Variants in ARNT2 observed in about 807,000 individuals in gnomAD.
ARNT2 encodes aryl hydrocarbon receptor nuclear translocator 2.
ARNT2 carries 36 observed loss-of-function variants against 91.7 expected under a neutral mutation model. The observed-to-expected ratio is 0.39, with a 90% confidence interval of 0.30 to 0.52. ARNT2 has a LOEUF of 0.52. ARNT2 is among the 20% of genes least tolerant of loss of function. The pLI, the probability that ARNT2 is intolerant of heterozygous loss-of-function variation, is 0.72. For synonymous variants in ARNT2, 365 were observed against 347.1 expected (o/e 1.05, Z -0.57); for missense variants, 775 against 939.3 (o/e 0.83, Z 2.29).
chr15:80,490,765 TATC>T (rs1037421462), intron 5 of ARNT2, among the ~76,000 whole-genome samples: 7 of 152,228 alleles, frequency 4.6e-5, no homozygotes, highest in African/African-American at 1.7e-4. Flanking sequence ...AACAGATAGT[TATC>T]AGCACAAGTC....
intron 8 of ARNT2, among the ~76,000 whole-genome samples, chr15:80,539,916 G>T (rs944508199): frequency 1.3e-5 from 2 of 151,812 alleles, no homozygotes; most frequent in African/African-American, 2.4e-5. Flanking sequence ...CGGAGAAAAG[G>T]AAACTGTTAT....
intron 3 of ARNT2, among the ~76,000 whole-genome samples, chr15:80,467,155 A>T (rs1896667407): frequency 1.1e-5 from 1 of 94,266 alleles, no homozygotes; most frequent in Non-Finnish European, 2.9e-5. Flanking sequence ...ATTTTGAGAA[A>T]CATCAGTCTG....
chr15:80,551,482 G>A (rs527747934), intron 9 of ARNT2, among the ~76,000 whole-genome samples: 1 of 152,234 alleles, frequency 6.6e-6, no homozygotes, highest in East Asian at 1.9e-4. Flanking sequence ...CTGAATTGAG[G>A]GGTTGCATCA....
At chr15:80,586,776 G>T (rs1265415432) in intron 17 of ARNT2, among the ~76,000 whole-genome samples, 1 of 151,316 alleles carries the variant, frequency 6.6e-6, no homozygotes, top group Non-Finnish European at 1.5e-5. Flanking sequence ...GGGAGGTGGA[G>T]GTTGCAGTGA....
At chr15:80,476,773 AT>A (rs757415840) in intron 5 of ARNT2, among the ~76,000 whole-genome samples, 7 of 152,228 alleles carry the variant, frequency 4.6e-5, no homozygotes, top group African/African-American at 1.7e-4. Flanking sequence ...GTCCTAATCC[AT>A]TTGGGCTGCT....
At chr15:80,453,219 A>T (rs575177298) in intron 2 of ARNT2, among the ~76,000 whole-genome samples, 1 of 152,364 alleles carries the variant, frequency 6.6e-6, no homozygotes, top group South Asian at 2.1e-4. Flanking sequence ...GGAATGAAAC[A>T]TCAAGAAAAG....
At chr15:80,478,174 A>G (rs922261459) in intron 5 of ARNT2, among the ~76,000 whole-genome samples, 5 of 152,240 alleles carry the variant, frequency 3.3e-5, no homozygotes, top group African/African-American at 1.2e-4. Context: ...TGTTGGTTTG[A>G]CAGCTGAAAT....
At chr15:80,482,230 G>A (rs61349920) in intron 5 of ARNT2, among the ~76,000 whole-genome samples, 6,109 of 152,220 alleles carry the variant, frequency 0.04, 279 homozygotes, top group East Asian at 0.13. Context: ...TTTCTAGCAC[G>A]TTTACCTATT....
intron 2 of ARNT2, among the ~76,000 whole-genome samples, chr15:80,452,269 C>T (rs1567183179): frequency 6.6e-6 from 1 of 152,232 alleles, no homozygotes; most frequent in Non-Finnish European, 1.5e-5. Context: ...GTATTCAGCA[C>T]GCTCACTTGC....
intron 5 of ARNT2, among the ~76,000 whole-genome samples, chr15:80,506,165 T>C (rs947781921): frequency 1.3e-5 from 2 of 152,030 alleles, no homozygotes; most frequent in Admixed American, 6.5e-5. Context: ...CTCGATCTCC[T>C]GACCTCATGA....
At chr15:80,412,901 G>A (rs376620948) in intron 1 of ARNT2, among the ~76,000 whole-genome samples, 13 of 152,222 alleles carry the variant, frequency 8.5e-5, no homozygotes, top group African/African-American at 3.1e-4. Flanking sequence ...GTCCCCAGCA[G>A]GTAGGTGGAT....
chr15:80,419,271 T>A (rs1895829293), intron 1 of ARNT2, among the ~76,000 whole-genome samples: 1 of 152,188 alleles, frequency 6.6e-6, no homozygotes, highest in Non-Finnish European at 1.5e-5. Context: ...GTGATGCTGG[T>A]ACTGCTGGCC....
In ARNT2 at chr15:80,551,221, C is replaced by T. The variant is rs142872481; in HGVS notation, c.900C>T (p.Asp300=). 25 of 1,613,830 alleles carry T rather than the reference C, an allele frequency of 1.5e-5. No homozygotes were observed. Among genetic ancestry groups the T allele is most frequent in the South Asian group, 9.9e-5 (9 of 91,084 alleles). The change falls in exon 9 of 19, where the codon GAC becomes GAT. Residue 300 remains aspartate (D), a synonymous_variant. Coordinates refer to ENST00000303329, the MANE Select transcript of ARNT2 (RefSeq NM_014862.4). ...PPAGMTIPEE[D]ADVGQGSKYC... ...CAGGAATGACCATACCTGAAGAAGA[C>T]GCTGATGTGGGACAAGGCAGTAAAT...
At chr15:80,535,300 T>C (rs1237344274) in intron 8 of ARNT2, among the ~76,000 whole-genome samples, 3 of 152,238 alleles carry the variant, frequency 2.0e-5, no homozygotes, top group Admixed American at 1.3e-4. Flanking sequence ...ATGTCAGTGC[T>C]CTAAAATCTT....
At chr15:80,472,536 G>A (rs1896745802) in intron 4 of ARNT2, among the ~76,000 whole-genome samples, 1 of 152,340 alleles carries the variant, frequency 6.6e-6, no homozygotes. Flanking sequence ...AGACACTTTA[G>A]CAAGCACTTC....
intron 5 of ARNT2, among the ~76,000 whole-genome samples, chr15:80,482,306 T>C (rs1216799535): frequency 3.9e-5 from 6 of 152,196 alleles, no homozygotes; most frequent in African/African-American, 1.2e-4. Flanking sequence ...TAAATACACT[T>C]GCCCAGGATT....
intron 5 of ARNT2, among the ~76,000 whole-genome samples, chr15:80,491,471 T>C (rs1897055219): frequency 1.3e-5 from 2 of 152,004 alleles, no homozygotes; most frequent in Non-Finnish European, 2.9e-5. Flanking sequence ...TTCAACGACA[T>C]GTGGGAATTC....
intron 9 of ARNT2, 51 bp from the exon 10 acceptor site, chr15:80,552,589 C>G (rs771453137): frequency 6.3e-7 from 1 of 1,592,986 alleles, no homozygotes. Context: ...GTCACCATCT[C>G]CATCTCGTCT....
intron 5 of ARNT2, among the ~76,000 whole-genome samples, chr15:80,482,256 C>G (rs1323031436): frequency 6.6e-6 from 1 of 152,132 alleles, no homozygotes; most frequent in Non-Finnish European, 1.5e-5. Flanking sequence ...GGATATCAAC[C>G]CTAGCTGCAC....
Sources: gnomAD v4.1 joint callset for allele counts (sites outside exome capture counted in the v4.1 genomes callset) on GRCh38, gnomAD v4.1.1 for gene constraint, MANE v1.5 for transcripts, NCBI Gene and HGNC (gene_info 2026-07-23, HGNC 2026-07-21) for gene names.